The following WWOX variants were observed in gnomAD, a reference collection of about 807,000 sequenced individuals.
WWOX encodes the protein WW domain containing oxidoreductase.
A neutral mutation model predicts 46.2 loss-of-function variants in WWOX; 69 were observed. The ratio of observed to expected loss-of-function variants is 1.49; its 90% CI spans 1.23 to 1.82. The LOEUF is 1.82. WWOX is among the 40% of genes most tolerant of loss of function. WWOX has a pLI of 0.00. For missense variants in WWOX, 919 were observed against 542.6 expected (o/e 1.69, Z -6.89); for synonymous variants, 359 against 202.6 (o/e 1.77, Z -6.56).
At position 78,999,011 on chromosome 16, in the gene WWOX, T is replaced by C. The variant is rs145779348; in HGVS notation, c.1057-212597T>C. Among the ~76,000 whole-genome samples the C allele has an allele frequency of 4.5e-3, 685 of 152,222 alleles. 8 individuals carry two copies. The highest frequency in any genetic ancestry group is 0.015 in the African/African-American group (633 of 41,532). ...TGTAACAGCGGAATATTCCACCTTC[T>C]AGGAACCAAATGGCTGTGAAGTGGA... is the stretch of plus-strand genomic sequence containing the variant. On this transcript the variant is annotated intron_variant, in intron 8 of 8. Transcript: ENST00000566780.
intron 5 of WWOX, among the ~76,000 whole-genome samples, chr16:78,246,285 A>C (rs1332319715): frequency 6.6e-6 from 1 of 152,220 alleles, no homozygotes; most frequent in Non-Finnish European, 1.5e-5. Flanking sequence ...TGTATGGAAA[A>C]AGCCTCATAT....
intron 8 of WWOX, among the ~76,000 whole-genome samples, chr16:78,710,792 T>C (rs1078286): frequency 0.51 from 76,099 of 150,412 alleles, 19,898 homozygotes; most frequent in Non-Finnish European, 0.57. Flanking sequence ...TTGTTTAATT[T>C]TTTGTAGAGA....
At chr16:78,689,207 A>G (rs1026934122) in intron 8 of WWOX, among the ~76,000 whole-genome samples, 2 of 152,198 alleles carry the variant, frequency 1.3e-5, no homozygotes, top group African/African-American at 4.8e-5. Flanking sequence ...AAATGGCAGT[A>G]GTGACCTTGT....
chr16:78,692,744 A>G (rs1007652699), intron 8 of WWOX, among the ~76,000 whole-genome samples: 1 of 152,206 alleles, frequency 6.6e-6, no homozygotes, highest in Non-Finnish European at 1.5e-5. Flanking sequence ...TGCTTCTTAA[A>G]CTGGGGTATG....
At position 78,412,514 on chromosome 16, in the gene WWOX, G is replaced by C. The variant is rs73571063; in HGVS notation, c.606-12356G>C. Among the ~76,000 whole-genome samples, 1,488 of 152,270 alleles carry C rather than the reference G, an allele frequency of 9.8e-3. 21 individuals are homozygous for C. The highest frequency in any genetic ancestry group is 0.033 in the African/African-American group (1,352 of 41,552). On this transcript the variant is annotated intron_variant, in intron 6 of 8. Coordinates refer to ENST00000566780, the MANE Select transcript of WWOX (RefSeq NM_016373.4). ...GAAGATTTTAGAGATGGAATGAAAA[G>C]AGATTGGTGATGGAACAATGGGCAA...
At chr16:78,715,033 C>A (rs1173640105) in intron 8 of WWOX, among the ~76,000 whole-genome samples, 4 of 152,112 alleles carry the variant, frequency 2.6e-5, no homozygotes, top group Non-Finnish European at 2.9e-5. Context: ...ATAATCCCAG[C>A]ACTTTGAGAG....
intron 5 of WWOX, among the ~76,000 whole-genome samples, chr16:78,385,707 C>G (rs549612956): frequency 6.6e-5 from 10 of 152,306 alleles, no homozygotes; most frequent in African/African-American, 2.4e-4. Flanking sequence ...CATCCCCCTT[C>G]ATAGCCTTAC....
chr16:78,365,943 C>T (rs747218022), intron 5 of WWOX, among the ~76,000 whole-genome samples: 2 of 152,104 alleles, frequency 1.3e-5, no homozygotes, highest in Admixed American at 1.3e-4. Context: ...ATGAACTGGA[C>T]AGAAGTATTA....
chr16:78,584,352 A>T (rs1183110598), intron 8 of WWOX, among the ~76,000 whole-genome samples: 1 of 152,214 alleles, frequency 6.6e-6, no homozygotes, highest in Admixed American at 6.5e-5. Flanking sequence ...TTGGAGACCA[A>T]GCACTTGAAT....
intron 5 of WWOX, among the ~76,000 whole-genome samples, chr16:78,353,128 A>T (rs2081216833): frequency 6.6e-6 from 1 of 152,198 alleles, no homozygotes; most frequent in African/African-American, 2.4e-5. Flanking sequence ...TTTGTGGTCC[A>T]GCCAGCCAGC....
At position 78,802,893 on chromosome 16, in the gene WWOX, G is replaced by T. The variant is rs1029246447; in HGVS notation, c.1056+370141G>T. ...ATGATGCCATTGCACTCCAGCCTGGGTCACAGAGCAAGACTTCATCTGAAA... is the reference window on the plus strand; with the variant it reads ...ATGATGCCATTGCACTCCAGCCTGGTTCACAGAGCAAGACTTCATCTGAAA... On this transcript the variant is annotated intron_variant, in intron 8 of 8. Coordinates refer to ENST00000566780, the MANE Select transcript of WWOX (RefSeq NM_016373.4). Among the ~76,000 whole-genome samples the T allele has an allele frequency of 5.2e-5, 6 of 115,664 alleles. No individual in the cohort carries two copies. In the Admixed American group the frequency reaches 6.9e-4, roughly 13 times the overall value. The allele number at this position is 115,664 out of a possible 152,430, so 75.9% of individuals were successfully genotyped here.
chr16:78,182,779 C>T (rs951755738), intron 5 of WWOX, among the ~76,000 whole-genome samples: 1 of 151,614 alleles, frequency 6.6e-6, no homozygotes, highest in Non-Finnish European at 1.5e-5. Flanking sequence ...AGTGAAAGCC[C>T]GTCTCTACTA....
chr16:79,125,265 G>A (rs1417012972), intron 8 of WWOX, among the ~76,000 whole-genome samples: 4 of 152,132 alleles, frequency 2.6e-5, no homozygotes, highest in Non-Finnish European at 2.9e-5. Context: ...GAGTACTGTT[G>A]ATTGTATTTT....
At chr16:78,559,732 G>T (rs965983789) in intron 8 of WWOX, among the ~76,000 whole-genome samples, 2 of 152,114 alleles carry the variant, frequency 1.3e-5, no homozygotes, top group South Asian at 4.1e-4. Context: ...TAGCTTCCTG[G>T]TAGAAAGTTC....
intron 8 of WWOX, among the ~76,000 whole-genome samples, chr16:78,906,453 C>G (rs571591754): frequency 5.5e-4 from 83 of 152,278 alleles, no homozygotes; most frequent in African/African-American, 1.8e-3. Flanking sequence ...TTCCCAGGAG[C>G]CCTGTCATCA....
chr16:78,922,156 A>C (rs2045393788), intron 8 of WWOX, among the ~76,000 whole-genome samples: 1 of 152,096 alleles, frequency 6.6e-6, no homozygotes, highest in South Asian at 2.1e-4. Context: ...GATTGCCCAC[A>C]TATTTGATCT....
chr16:79,173,402 T>G (rs1450462057), intron 8 of WWOX, among the ~76,000 whole-genome samples: 4 of 152,206 alleles, frequency 2.6e-5, no homozygotes, highest in African/African-American at 7.2e-5. Flanking sequence ...CACATGGGTC[T>G]CTTTCACACA....
intron 8 of WWOX, among the ~76,000 whole-genome samples, chr16:78,976,059 C>G (rs777769591): frequency 1.2e-4 from 18 of 152,184 alleles, no homozygotes; most frequent in Non-Finnish European, 2.1e-4. Flanking sequence ...CTCTGGGCTC[C>G]AGCAACATTA....
chr16:79,043,079 C>G (rs916229247), intron 8 of WWOX, among the ~76,000 whole-genome samples: 6 of 152,132 alleles, frequency 3.9e-5, no homozygotes, highest in African/African-American at 1.4e-4. Flanking sequence ...TGGGCACTGC[C>G]ATTTCCTCTG....
Sources: gnomAD v4.1 joint callset for allele counts (sites outside exome capture counted in the v4.1 genomes callset) on GRCh38, gnomAD v4.1.1 for gene constraint, MANE v1.5 for transcripts, NCBI Gene and HGNC (gene_info 2026-07-23, HGNC 2026-07-21) for gene names.